Variants in DCC observed in about 807,000 individuals in gnomAD.
DCC encodes DCC netrin 1 receptor.
A neutral mutation model predicts 172.5 loss-of-function variants in DCC; 58 were observed. The ratio of observed to expected loss-of-function variants is 0.34; its 90% CI spans 0.27 to 0.42. The LOEUF (loss-of-function observed/expected upper bound fraction) is 0.42, where lower values mean the gene tolerates loss of function less well. Among genes scored for constraint, DCC ranks in the 10% least tolerant of loss-of-function variants. The pLI is 1.00. For synonymous variants in DCC, 709 were observed against 644.5 expected, an observed-to-expected ratio of 1.10 and a Z score of -1.52; for missense variants, 1,740 against 1,791.0, an observed-to-expected ratio of 0.97 and a Z score of 0.51.
At chr18:52,701,822 T>C (rs1465106932) in intron 1 of DCC, among the ~76,000 whole-genome samples, 1 of 152,196 alleles carries the variant, frequency 6.6e-6, no homozygotes, top group Admixed American at 6.5e-5. Context: ...CTAAAGCAAT[T>C]CCATCTTGAA....
intron 8 of DCC, among the ~76,000 whole-genome samples, chr18:53,164,721 A>G (rs955320275): frequency 6.6e-6 from 1 of 152,210 alleles, no homozygotes; most frequent in African/African-American, 2.4e-5. Flanking sequence ...TTCCATTCTT[A>G]TTAGCTAATG....
chr18:52,436,163 G>A (rs940832209), intron 1 of DCC, among the ~76,000 whole-genome samples: 7 of 152,238 alleles, frequency 4.6e-5, no homozygotes, highest in South Asian at 4.1e-4. Context: ...TTTGAAATAC[G>A]TGGACATGAG....
intron 2 of DCC, among the ~76,000 whole-genome samples, chr18:52,808,351 A>G (rs534046950): frequency 3.0e-4 from 46 of 150,924 alleles, no homozygotes; most frequent in Non-Finnish European, 2.9e-4. Context: ...CATAGGTGAC[A>G]TACCAGTAGA....
chr18:52,930,896 G>A (rs2040297643), intron 5 of DCC, among the ~76,000 whole-genome samples: 2 of 151,980 alleles, frequency 1.3e-5, no homozygotes, highest in South Asian at 4.1e-4. Flanking sequence ...TATGAACCAT[G>A]CTATCTCTAA....
chr18:53,374,794 C>T (rs892608446), intron 15 of DCC, among the ~76,000 whole-genome samples: 1 of 152,066 alleles, frequency 6.6e-6, no homozygotes, highest in Non-Finnish European at 1.5e-5. Context: ...TATTAACATA[C>T]TGTGATGTTA....
chr18:53,381,006 G>A (rs1255212993), intron 15 of DCC, among the ~76,000 whole-genome samples: 2 of 152,032 alleles, frequency 1.3e-5, no homozygotes, highest in Non-Finnish European at 2.9e-5. Flanking sequence ...TCTATACCAT[G>A]GCTAAAGATC....
intron 15 of DCC, among the ~76,000 whole-genome samples, chr18:53,365,934 G>C (rs920076701): frequency 6.6e-6 from 1 of 152,196 alleles, no homozygotes; most frequent in Admixed American, 6.5e-5. Context: ...TCTCAAGCCG[G>C]TGGTTTGTTT....
intron 2 of DCC, among the ~76,000 whole-genome samples, chr18:52,835,369 A>C (rs1598851271): frequency 6.6e-6 from 1 of 152,326 alleles, no homozygotes; most frequent in South Asian, 2.1e-4. Context: ...TGACTTTCAA[A>C]CTCATTTTTT....
Position 53,142,941 on chromosome 18 carries a change from G to A in DCC, c.1262-14415G>A, listed in dbSNP as rs551130184. On this transcript the variant is annotated intron_variant, in intron 7 of 28. Transcript: ENST00000442544. ...TGACTGTCTTGAAGAGGATTGGTCAGGTATCTCAATCTGGGTATATCCAAA... is the reference window on the plus strand; with the variant it reads ...TGACTGTCTTGAAGAGGATTGGTCAAGTATCTCAATCTGGGTATATCCAAA... Among the ~76,000 whole-genome samples the A allele has an allele frequency of 5.3e-5, 8 of 150,826 alleles. No individual in the cohort carries two copies. In the Admixed American group the frequency reaches 5.4e-4, roughly 10 times the overall value.
chr18:52,855,763 CTTTTT>C (rs71175526), intron 2 of DCC, among the ~76,000 whole-genome samples: 1 of 121,242 alleles, frequency 8.2e-6, no homozygotes, highest in Non-Finnish European at 1.7e-5. Context: ...CGTATAAATT[CTTTTT>C]TTTTTTTTTT....
At chr18:53,050,291 A>G (rs2042317172) in intron 5 of DCC, among the ~76,000 whole-genome samples, 1 of 150,296 alleles carries the variant, frequency 6.7e-6, no homozygotes, top group African/African-American at 2.5e-5. Flanking sequence ...ACACCCAGAA[A>G]CACCCAGATA....
At chr18:52,679,129 T>C (rs2035696978) in intron 1 of DCC, among the ~76,000 whole-genome samples, 1 of 152,122 alleles carries the variant, frequency 6.6e-6, no homozygotes. Flanking sequence ...TTCTCTTATA[T>C]AAATGTTATT....
chr18:52,785,205 C>T (rs745838949), intron 2 of DCC, among the ~76,000 whole-genome samples: 6 of 151,960 alleles, frequency 3.9e-5, no homozygotes, highest in African/African-American at 9.7e-5. Flanking sequence ...CTTTACTGTG[C>T]ACATGGCTGA....
chr18:53,115,699 AAAAATCTATTTTAGGAT>A (rs1384044427), intron 7 of DCC, among the ~76,000 whole-genome samples: 1 of 151,664 alleles, frequency 6.6e-6, no homozygotes, highest in African/African-American at 2.4e-5. Context: ...CTTTTATGAT[AAAAATCTATTTTAGGAT>A]TCTCATTCAT....
At chr18:52,848,614 A>G (rs1192882193) in intron 2 of DCC, among the ~76,000 whole-genome samples, 2 of 152,054 alleles carry the variant, frequency 1.3e-5, no homozygotes, top group Non-Finnish European at 2.9e-5. Context: ...TCGCATGTTT[A>G]TTTACAGTTG....
intron 15 of DCC, among the ~76,000 whole-genome samples, chr18:53,380,836 T>C (rs1167076567): frequency 6.6e-6 from 1 of 152,168 alleles, no homozygotes; most frequent in Non-Finnish European, 1.5e-5. Flanking sequence ...GCAAGTGTGT[T>C]TACTTTTTAC....
chr18:52,644,323 A>G (rs1404496766), intron 1 of DCC, among the ~76,000 whole-genome samples: 1 of 152,198 alleles, frequency 6.6e-6, no homozygotes, highest in Non-Finnish European at 1.5e-5. Context: ...TCACGCCTGT[A>G]ATCCCAGCAT....
intron 13 of DCC, among the ~76,000 whole-genome samples, 168 bp downstream of exon 13, chr18:53,305,887 CTA>C (rs2057194670): frequency 1.3e-5 from 2 of 152,182 alleles, no homozygotes; most frequent in Non-Finnish European, 2.9e-5. Flanking sequence ...TTTACATTCT[CTA>C]TAATGTTTTC....
At chr18:52,671,899 C>A (rs1270079132) in intron 1 of DCC, among the ~76,000 whole-genome samples, 1 of 151,956 alleles carries the variant, frequency 6.6e-6, no homozygotes, top group African/African-American at 2.4e-5. Context: ...AAGTAAATAC[C>A]CCATAAAGCA....
Sources: gnomAD v4.1 joint callset for allele counts (sites outside exome capture counted in the v4.1 genomes callset) on GRCh38, gnomAD v4.1.1 for gene constraint, MANE v1.5 for transcripts, NCBI Gene and HGNC (gene_info 2026-07-23, HGNC 2026-07-21) for gene names.